PEX7: variants seen among roughly 807,000 people sequenced by gnomAD.
The protein encoded by PEX7 is peroxisomal biogenesis factor 7.
A neutral mutation model predicts 47.5 loss-of-function variants in PEX7; 34 were observed. The ratio of observed to expected loss-of-function variants is 0.72; its 90% CI spans 0.54 to 0.95. The LOEUF (loss-of-function observed/expected upper bound fraction) is 0.95, where lower values mean the gene tolerates loss of function less well. Among genes scored for constraint, PEX7 ranks in the 40% least tolerant of loss-of-function variants. The pLI, the probability that PEX7 is intolerant of heterozygous loss-of-function variation, is 0.00. For synonymous variants in PEX7, 141 were observed against 148.8 expected (o/e 0.95, Z 0.38); for missense variants, 394 against 400.3 (o/e 0.98, Z 0.13).
At chr6:136,833,643 C>T (rs1291109182) in intron 3 of PEX7, among the ~76,000 whole-genome samples, 2 of 152,202 alleles carry the variant, frequency 1.3e-5, no homozygotes, top group African/African-American at 4.8e-5. Flanking sequence ...GATTTTATTA[C>T]AATTGATAAT....
At chr6:136,876,042 AT>A (rs57765125) in intron 8 of PEX7, among the ~76,000 whole-genome samples, 78,026 of 140,016 alleles carry the variant, frequency 0.56, 20,464 homozygotes, top group South Asian at 0.59. Context: ...CTTTCATTAA[AT>A]TTTTTTTTTT....
At chr6:136,851,000 T>TA (rs1774738944) in intron 5 of PEX7, among the ~76,000 whole-genome samples, 3 of 132,426 alleles carry the variant, frequency 2.3e-5, no homozygotes, top group South Asian at 4.8e-4. Context: ...TATTTTTAAT[T>TA]TTTTTTTTTT....
chr6:136,912,321 T>G (rs1775946039), intron 9 of PEX7, among the ~76,000 whole-genome samples: 1 of 152,162 alleles, frequency 6.6e-6, no homozygotes, highest in African/African-American at 2.4e-5. Context: ...TGAGAATATA[T>G]TTTCCTTTTT....
chr6:136,831,987 C>T (rs1436462010), intron 3 of PEX7, among the ~76,000 whole-genome samples: 1 of 152,244 alleles, frequency 6.6e-6, no homozygotes, highest in Non-Finnish European at 1.5e-5. Context: ...TCTCTCCTCA[C>T]AACTCCAGTA....
chr6:136,853,156 A>G (rs1041313722), intron 5 of PEX7, among the ~76,000 whole-genome samples: 2 of 152,236 alleles, frequency 1.3e-5, no homozygotes, highest in Non-Finnish European at 2.9e-5. Flanking sequence ...GGATGCAGCT[A>G]CGCCCGTTTA....
chr6:136,908,330 T>C (rs1289908351), intron 9 of PEX7, among the ~76,000 whole-genome samples: 3 of 152,198 alleles, frequency 2.0e-5, no homozygotes, highest in Non-Finnish European at 2.9e-5. Context: ...CATCTTACCC[T>C]ATTAGTTTAG....
intron 8 of PEX7, among the ~76,000 whole-genome samples, chr6:136,879,124 A>G (rs948775324): frequency 1.3e-5 from 2 of 152,046 alleles, no homozygotes; most frequent in African/African-American, 4.8e-5. Flanking sequence ...TTGTTAGAAC[A>G]TGCAACATGT....
At chr6:136,890,450 T>G (rs1050045697) in intron 8 of PEX7, among the ~76,000 whole-genome samples, 10 of 151,646 alleles carry the variant, frequency 6.6e-5, no homozygotes, top group Non-Finnish European at 1.5e-5. Flanking sequence ...TGCAGGCTGA[T>G]TTTTTTTTCT....
chr6:136,828,812 C>CT (rs1234469083), intron 3 of PEX7, among the ~76,000 whole-genome samples: 7 of 152,196 alleles, frequency 4.6e-5, no homozygotes, highest in Non-Finnish European at 1.0e-4. Flanking sequence ...TCAGCCATGT[C>CT]TTAGTGTTAG....
At chr6:136,907,622 G>C (rs1310619936) in intron 9 of PEX7, among the ~76,000 whole-genome samples, 1 of 151,434 alleles carries the variant, frequency 6.6e-6, no homozygotes, top group African/African-American at 2.4e-5. Flanking sequence ...CCACGAAATA[G>C]AGAAAAAAAG....
intron 8 of PEX7, among the ~76,000 whole-genome samples, chr6:136,889,391 C>T (rs79956140): frequency 0.016 from 2,441 of 152,226 alleles, 64 homozygotes; most frequent in African/African-American, 0.056. Context: ...TTGTTACTAA[C>T]ATTTTTCTTT....
chr6:136,898,452 C>A (rs1242517945), intron 9 of PEX7, among the ~76,000 whole-genome samples: 1 of 152,188 alleles, frequency 6.6e-6, no homozygotes, highest in Non-Finnish European at 1.5e-5. Context: ...GAAAAAGGAA[C>A]CTTCCCAGGA....
intron 5 of PEX7, among the ~76,000 whole-genome samples, chr6:136,861,879 T>A (rs1295161011): frequency 2.0e-5 from 3 of 146,966 alleles, no homozygotes; most frequent in African/African-American, 7.4e-5. Flanking sequence ...TATAAATATA[T>A]ATAAATTCAC....
chr6:136,849,656 T>C (rs1457934233), intron 5 of PEX7, among the ~76,000 whole-genome samples: 2 of 152,162 alleles, frequency 1.3e-5, no homozygotes, highest in African/African-American at 2.4e-5. Context: ...CATGTAGTTC[T>C]GTGGTTTTGA....
At chr6:136,844,022 T>C (rs537343425) in intron 3 of PEX7, among the ~76,000 whole-genome samples, 33 of 152,314 alleles carry the variant, frequency 2.2e-4, no homozygotes, top group Non-Finnish European at 4.6e-4. Context: ...TTTTGAAGCT[T>C]AATATTAATT....
chr6:136,847,646 G>T (rs1179337815), intron 5 of PEX7, among the ~76,000 whole-genome samples: 3 of 151,986 alleles, frequency 2.0e-5, no homozygotes, highest in Non-Finnish European at 4.4e-5. Context: ...TCAAAGATCA[G>T]ATAGTTGTAG....
At chr6:136,869,790 A>T in intron 6 of PEX7, 100 bp from the exon 7 acceptor site, 1 of 895,218 alleles carries the variant, frequency 1.1e-6, no homozygotes, top group Non-Finnish European at 1.9e-6. Flanking sequence ...GGTTCATATT[A>T]AATAGTTATC....
At position 136,909,248 on chromosome 6, in the gene PEX7, A is replaced by G. The variant is rs559007466; in HGVS notation, c.904-4210A>G. On this transcript the variant is annotated intron_variant, in intron 9 of 9. Transcript: ENST00000318471. The stretch of plus-strand genomic sequence containing the variant: ...TTTGTAATTCTGAGGAATATTTGAC[A>G]AACAGTTCTTAGGACACAAAGGCAA... Among the ~76,000 whole-genome samples, 185 of 152,348 alleles carry G rather than the reference A, an allele frequency of 1.2e-3. 1 individual carries two copies. In the Middle Eastern group the frequency reaches 0.017, roughly 14 times the overall value.
intron 3 of PEX7, among the ~76,000 whole-genome samples, chr6:136,827,562 C>G (rs927611295): frequency 6.7e-6 from 1 of 149,224 alleles, no homozygotes; most frequent in African/African-American, 2.5e-5. Flanking sequence ...GGGTCTCACT[C>G]TGTTGCCCAG....
Sources: allele counts gnomAD v4.1 joint callset (sites outside exome capture counted in the v4.1 genomes callset), GRCh38; gene constraint gnomAD v4.1.1; transcripts MANE v1.5; gene names NCBI Gene and HGNC (gene_info 2026-07-23, HGNC 2026-07-21).